Variants in SRBD1 observed in about 807,000 individuals in gnomAD.
SRBD1 encodes the protein S1 RNA binding domain 1.
In SRBD1, 88 loss-of-function variants were observed where a neutral mutation model predicts 115.3. That is an observed-to-expected ratio of 0.76 (90% CI 0.64 to 0.91). The LOEUF is 0.91. Among genes scored for constraint, SRBD1 ranks in the 40% least tolerant of loss-of-function variants. The pLI is 0.00. For synonymous variants in SRBD1, 509 were observed against 407.7 expected (o/e 1.25, Z -2.99); for missense variants, 1,385 against 1,177.4 (o/e 1.18, Z -2.58).
intron 16 of SRBD1, among the ~76,000 whole-genome samples, chr2:45,442,928 T>C (rs548973673): frequency 6.6e-6 from 1 of 152,248 alleles, no homozygotes; most frequent in African/African-American, 2.4e-5. Context: ...AAGTTTGTAA[T>C]AAATATCTAC....
intron 16 of SRBD1, among the ~76,000 whole-genome samples, chr2:45,429,513 C>A (rs1279659951): frequency 1.3e-5 from 2 of 151,910 alleles, no homozygotes; most frequent in Admixed American, 6.6e-5. Context: ...TAAACGTAAT[C>A]CATCACATAA....
chr2:45,573,381 T>A (rs1028391392), intron 8 of SRBD1, 39 bp from the exon 9 acceptor site: 2 of 1,579,950 alleles, frequency 1.3e-6, no homozygotes, highest in Non-Finnish European at 1.7e-6. Context: ...CAAGCAGTTA[T>A]TAATTTGTGC....
At chr2:45,457,542 T>C (rs192711999) in intron 16 of SRBD1, among the ~76,000 whole-genome samples, 3 of 152,086 alleles carry the variant, frequency 2.0e-5, no homozygotes, top group African/African-American at 4.8e-5. Flanking sequence ...AAATCTCAAC[T>C]TCATGGTATA....
intron 16 of SRBD1, among the ~76,000 whole-genome samples, chr2:45,453,404 C>G (rs538458272): frequency 6.6e-6 from 1 of 151,876 alleles, no homozygotes; most frequent in Non-Finnish European, 1.5e-5. Flanking sequence ...CTATTTCTCT[C>G]CATTCCTTAA....
intron 9 of SRBD1, among the ~76,000 whole-genome samples, chr2:45,565,769 A>G (rs1672809319): frequency 6.6e-6 from 1 of 152,216 alleles, no homozygotes; most frequent in Non-Finnish European, 1.5e-5. Flanking sequence ...CTCAACAATA[A>G]GGAGACAAAA....
intron 15 of SRBD1, among the ~76,000 whole-genome samples, chr2:45,487,359 T>C (rs1670152476): frequency 6.6e-6 from 1 of 152,184 alleles, no homozygotes; most frequent in Non-Finnish European, 1.5e-5. Context: ...AGTATCTTAA[T>C]TTCTTTACAC....
intron 13 of SRBD1, 56 bp downstream of exon 13, chr2:45,547,466 G>A: frequency 1.4e-6 from 2 of 1,475,046 alleles, no homozygotes; most frequent in South Asian, 2.3e-5. Context: ...GGGCTTCAAA[G>A]GTATCTCTGG....
intron 15 of SRBD1, among the ~76,000 whole-genome samples, chr2:45,482,935 A>G (rs1240395272): frequency 6.6e-6 from 1 of 152,136 alleles, no homozygotes; most frequent in African/African-American, 2.4e-5. Context: ...TAATTGTTAT[A>G]CTATATTTTC....
At chr2:45,521,668 C>T (rs1222948897) in intron 14 of SRBD1, among the ~76,000 whole-genome samples, 1 of 152,072 alleles carries the variant, frequency 6.6e-6, no homozygotes, top group Non-Finnish European at 1.5e-5. Flanking sequence ...CCAGCAATTA[C>T]ACTCCTAGGT....
intron 19 of SRBD1, among the ~76,000 whole-genome samples, chr2:45,402,176 A>C (rs1416526540): frequency 1.3e-5 from 2 of 152,112 alleles, no homozygotes; most frequent in African/African-American, 4.8e-5. Flanking sequence ...CCAGTTAGGA[A>C]TCTTTATATT....
chr2:45,522,425 G>T (rs1051064477), intron 14 of SRBD1, among the ~76,000 whole-genome samples: 1 of 152,136 alleles, frequency 6.6e-6, no homozygotes, highest in Non-Finnish European at 1.5e-5. Flanking sequence ...CAATCCTCCT[G>T]TCTCAGCCTT....
At chr2:45,594,324 C>T (rs1479711991) in intron 4 of SRBD1, among the ~76,000 whole-genome samples, 1 of 152,140 alleles carries the variant, frequency 6.6e-6, no homozygotes, top group Non-Finnish European at 1.5e-5. Flanking sequence ...TGCCTTTTCT[C>T]CCTGTTTAGC....
chr2:45,496,997 G>C (rs368749146), intron 14 of SRBD1, among the ~76,000 whole-genome samples: 20 of 152,298 alleles, frequency 1.3e-4, no homozygotes, highest in African/African-American at 4.8e-4. Flanking sequence ...AACAGATGGA[G>C]GGAAAGAATG....
chr2:45,554,276 T>C (rs957649655), intron 10 of SRBD1, among the ~76,000 whole-genome samples: 1 of 152,198 alleles, frequency 6.6e-6, no homozygotes, highest in Non-Finnish European at 1.5e-5. Flanking sequence ...AGGGCAGCCC[T>C]CACCAGAAAA....
At chr2:45,444,755 T>C (rs1668771078) in intron 16 of SRBD1, among the ~76,000 whole-genome samples, 1 of 152,188 alleles carries the variant, frequency 6.6e-6, no homozygotes. Context: ...ACTGCTCAAA[T>C]ACTAATGCTC....
chr2:45,414,718 A>ACACACACACACAGTGTGTATATAGTATG (rs1459106242), intron 18 of SRBD1, among the ~76,000 whole-genome samples: 4 of 105,922 alleles, frequency 3.8e-5, no homozygotes, highest in African/African-American at 1.4e-4. Context: ...TAGTATGTAT[A>ACACACACACACAGTGTGTATATAGTATG]TACACACACA....
chr2:45,400,786 G>A (rs570355173), intron 19 of SRBD1, among the ~76,000 whole-genome samples: 5 of 152,044 alleles, frequency 3.3e-5, no homozygotes, highest in Admixed American at 1.3e-4. Flanking sequence ...CTATTATTAC[G>A]CACATTTAAC....
intron 14 of SRBD1, among the ~76,000 whole-genome samples, chr2:45,535,207 C>A (rs1275601226): frequency 6.6e-6 from 1 of 151,972 alleles, no homozygotes; most frequent in Non-Finnish European, 1.5e-5. Context: ...ATTAGCTAAT[C>A]AACATCTTTT....
At chr2:45,609,429 T>C (rs1674376028) in intron 1 of SRBD1, among the ~76,000 whole-genome samples, 1 of 152,210 alleles carries the variant, frequency 6.6e-6, no homozygotes, top group African/African-American at 2.4e-5. Flanking sequence ...CTGCCCTCCC[T>C]ACTTCCACTC....
Sources: gnomAD v4.1 joint callset for allele counts (sites outside exome capture counted in the v4.1 genomes callset) on GRCh38, gnomAD v4.1.1 for gene constraint, MANE v1.5 for transcripts, NCBI Gene and HGNC (gene_info 2026-07-23, HGNC 2026-07-21) for gene names.